Variants in PNLDC1 observed in about 807,000 individuals in gnomAD.
The protein encoded by PNLDC1 is poly(A)-specific ribonuclease PNLDC1.
PNLDC1 carries 70 observed loss-of-function variants against 82.0 expected under a neutral mutation model. The observed-to-expected ratio is 0.85, with a 90% CI of 0.70 to 1.04. The LOEUF is 1.04. Ranked by LOEUF, PNLDC1 falls within the 50% of genes least tolerant of loss-of-function variation. PNLDC1 has a pLI of 0.00. For missense variants in PNLDC1, 631 were observed against 661.1 expected, an observed-to-expected ratio of 0.95 and a Z score of 0.50; for synonymous variants, 280 against 249.3, an observed-to-expected ratio of 1.12 and a Z score of -1.16.
Position 159,820,657 on chromosome 6 carries a change from G to A in PNLDC1, c.*140G>A, listed in dbSNP as rs75132160. ...AGAAATTCTGTTATGTCCTGAACGT[G>A]AAATTCTGTCAACACTCTCAATGAT... On this transcript the variant is annotated 3_prime_UTR_variant, in exon 19 of 19. Transcript: ENST00000392167. 328 of 771,656 alleles carry A rather than the reference G, an allele frequency of 4.3e-4. 3 individuals are homozygous for A. In the African/African-American group the frequency reaches 5.1e-3, roughly 12 times the overall value. The allele number at this position is 771,656 out of a possible 1,614,324, so 47.8% of individuals were successfully genotyped here.
chr6:159,818,706 G>A, intron 16 of PNLDC1, 52 bp downstream of exon 16: 2 of 1,543,366 alleles, frequency 1.3e-6, no homozygotes, highest in Non-Finnish European at 8.9e-7. Context: ...CAGAGGCTTT[G>A]CTGGGAAGCG....
At chr6:159,801,595 A>G (rs1325045311) in intron 3 of PNLDC1, among the ~76,000 whole-genome samples, 2 of 152,094 alleles carry the variant, frequency 1.3e-5, no homozygotes, top group East Asian at 1.9e-4. Flanking sequence ...CTACAGGCTC[A>G]CCACCACACC....
upstream of PNLDC1, chr6:159,800,236 G>T (rs1007983131): frequency 7.0e-7 from 1 of 1,436,138 alleles, no homozygotes; most frequent in African/African-American, 1.4e-5. Flanking sequence ...ACCCGGCGGC[G>T]CGACGGAAGC....
At chr6:159,799,971 G>T (rs1781172570), upstream of PNLDC1, among the ~76,000 whole-genome samples, 1 of 152,170 alleles carries the variant, frequency 6.6e-6, no homozygotes, top group Non-Finnish European at 1.5e-5. Context: ...ACCCTTTCTG[G>T]ACTCTGTCTT....
upstream of PNLDC1, chr6:159,800,200 T>G (rs180696459): frequency 5.5e-6 from 6 of 1,096,144 alleles, no homozygotes; most frequent in Middle Eastern, 9.2e-4. Context: ...GGCAGCTGCC[T>G]GGTTTCCATG....
At chr6:159,809,983 A>C (rs1445212212) in intron 9 of PNLDC1, 43 bp from the exon 10 acceptor site, 2 of 1,509,316 alleles carry the variant, frequency 1.3e-6, no homozygotes, top group Non-Finnish European at 9.2e-7. Context: ...TGTCTGGATT[A>C]CATTTTTTTA....
chr6:159,809,270 C>T (rs1202798961), intron 9 of PNLDC1, 112 bp downstream of exon 9: 6 of 1,365,634 alleles, frequency 4.4e-6, no homozygotes, highest in Non-Finnish European at 6.0e-6. Flanking sequence ...TAAGTGATTC[C>T]TTCTCATGAA....
intron 11 of PNLDC1, among the ~76,000 whole-genome samples, chr6:159,813,141 GT>G (rs1299559845): frequency 6.6e-6 from 1 of 152,228 alleles, no homozygotes; most frequent in Non-Finnish European, 1.5e-5. Context: ...ACAGATGGGA[GT>G]GGGGTCTGTG....
At chr6:159,806,400 C>G (rs1781447266) in intron 7 of PNLDC1, among the ~76,000 whole-genome samples, 3 of 152,186 alleles carry the variant, frequency 2.0e-5, no homozygotes, top group African/African-American at 7.2e-5. Context: ...AGCTTTTCCC[C>G]CAGCATGTGG....
In PNLDC1 at chr6:159,800,773, T is replaced by G. The variant is rs1583162667; in HGVS notation, c.78T>G (p.Gly26=). The change falls in exon 2 of 19, where the codon GGT becomes GGG. Residue 26 remains glycine (G), a splice_region_variant and synonymous_variant. Coordinates refer to ENST00000392167, the MANE Select transcript of PNLDC1 (RefSeq NM_001271862.2). The part of the protein sequence containing the change: ...QELVQEADFV[G]LDIEFTGLRS... ...TGCTATTTTTTGCCTTCCTGGCAGGTCTGGACATAGAGTTCACGGGCCTTC... is the reference window on the plus strand; with the variant it reads ...TGCTATTTTTTGCCTTCCTGGCAGGGCTGGACATAGAGTTCACGGGCCTTC... The G allele has an allele frequency of 6.2e-7, 1 of 1,614,158 alleles. No individual in the cohort carries two copies. The highest frequency in any genetic ancestry group is 8.5e-7 in the Non-Finnish European group (1 of 1,180,030).
chr6:159,800,114 T>C (rs1338081985), upstream of PNLDC1: 1 of 524,868 alleles, frequency 1.9e-6, no homozygotes, highest in Non-Finnish European at 3.4e-6. Context: ...CTGTAGCAAA[T>C]CGTACAATTA....
chr6:159,808,705 C>T (rs1366634240), intron 7 of PNLDC1, 35 bp from the exon 8 acceptor site: 2 of 1,591,386 alleles, frequency 1.3e-6, no homozygotes, highest in Admixed American at 3.4e-5. Flanking sequence ...CACACGGTTC[C>T]AGGTGCTGTG....
chr6:159,810,669 G>A (rs377197394), intron 10 of PNLDC1, among the ~76,000 whole-genome samples: 3 of 152,240 alleles, frequency 2.0e-5, no homozygotes, highest in Non-Finnish European at 2.9e-5. Flanking sequence ...CACTCACTAC[G>A]TGCGTAGTCT....
chr6:159,816,728 G>A (rs935451121), intron 14 of PNLDC1, 132 bp downstream of exon 14: 1 of 796,612 alleles, frequency 1.3e-6, no homozygotes, highest in African/African-American at 1.7e-5. Flanking sequence ...TACCTCCTGG[G>A]CTCAGGTGAT....
At chr6:159,813,531 G>A (rs757136439) in intron 11 of PNLDC1, 70 bp from the exon 12 acceptor site, 23 of 1,378,894 alleles carry the variant, frequency 1.7e-5, no homozygotes, top group Non-Finnish European at 2.2e-5. Flanking sequence ...ATGACCATTT[G>A]GTACTGCCTG....
intron 11 of PNLDC1, among the ~76,000 whole-genome samples, chr6:159,813,379 T>C (rs1479551485): frequency 6.6e-6 from 1 of 152,166 alleles, no homozygotes; most frequent in Non-Finnish European, 1.5e-5. Flanking sequence ...TAGAGTTTTT[T>C]TCTAGCCTAG....
chr6:159,819,626 A>T lies in PNLDC1; in HGVS notation c.1532+274A>T, dbSNP rs1781969136. On this transcript the variant is annotated intron_variant, in intron 18 of 18. Transcript: ENST00000392167. This position sits in a 1 kb window ranked among gnomAD's most constrained non-coding sequence, Gnocchi z 4.6. ...AGCTCACGTGCTGGGGGAGACAAAC[A>T]GGATAAACAAATGGACCCTATAATG... Among the ~76,000 whole-genome samples, 1 of 152,246 alleles carries T rather than the reference A, an allele frequency of 6.6e-6. No homozygotes were observed. Among genetic ancestry groups the T allele is most frequent in the South Asian group, 2.1e-4 (1 of 4,832 alleles).
At chr6:159,818,886 G>C (rs900306069) in intron 16 of PNLDC1, 60 bp from the exon 17 acceptor site, 1 of 1,561,108 alleles carries the variant, frequency 6.4e-7, no homozygotes, top group African/African-American at 1.4e-5. Context: ...GAGATCTTCA[G>C]ACTGGATAAG....
chr6:159,803,419 C>T lies in PNLDC1; in HGVS notation c.248+109C>T, dbSNP rs575960662. On this transcript the variant is annotated intron_variant, in intron 4 of 18. Transcript: ENST00000392167. ...CCGATCACTTTTGCCCTGGATCTTCCGTATTCTCTCCTGTGTCTGTTCCTC... is the reference window on the plus strand; with the variant it reads ...CCGATCACTTTTGCCCTGGATCTTCTGTATTCTCTCCTGTGTCTGTTCCTC... 7.2e-5 allele frequency: 68 copies of T among 949,722 alleles called. No homozygotes were observed. In the East Asian group the frequency reaches 1.5e-3, roughly 21 times the overall value. The allele number at this position is 949,722 out of a possible 1,614,324, so 58.8% of individuals were successfully genotyped here. A position where few individuals can be genotyped will look rare whatever the true frequency, so the allele number is the denominator to read the frequency against.
Sources: gnomAD v4.1 joint callset for allele counts (sites outside exome capture counted in the v4.1 genomes callset) on GRCh38, gnomAD v4.1.1 for gene constraint, Gnocchi (gnomAD v3.1) non-coding constraint, MANE v1.5 for transcripts, NCBI Gene and HGNC (gene_info 2026-07-23, HGNC 2026-07-21) for gene names.